Variants in CDHR4 observed in about 807,000 individuals in gnomAD.
CDHR4 encodes cadherin-related family member 4.
A neutral mutation model predicts 88.4 loss-of-function variants in CDHR4; 89 were observed. That is an observed-to-expected ratio of 1.01 (90% CI 0.85 to 1.20). The LOEUF is 1.20. Ranked by LOEUF, CDHR4 falls within the 50% of genes most tolerant of loss-of-function variation. CDHR4 has a pLI of 0.00. For missense variants in CDHR4, 914 were observed against 1,007.2 expected (o/e 0.91, Z 1.25); for synonymous variants, 368 against 399.2 (o/e 0.92, Z 0.93).
intron 9 of CDHR4, 30 bp from the exon 10 acceptor site, chr3:49,794,731 A>G: frequency 6.5e-7 from 1 of 1,537,064 alleles, no homozygotes; most frequent in Non-Finnish European, 8.8e-7. Context: ...AGTGAGGTCC[A>G]GCCAGGGCCT....
chr3:49,796,986 A>G lies in CDHR4; in HGVS notation c.542T>C (p.Phe181Ser), dbSNP rs2081279144. Residue 181 changes from phenylalanine to serine, a missense_variant, in exon 5 of 19, where the codon TTC (phenylalanine) becomes TCC (serine). Transcript: ENST00000412678. ...CAGCCAACCTTGCTCATTGATGGAG[A>G]AAGGTCCAGGGAAGTGTGGCAGGTC... ...AQDLPHFPGP[F>S]SINEQGWLQA... 6.4e-7 allele frequency: 1 copy of G among 1,551,532 alleles called. No individual in the cohort carries two copies. Among genetic ancestry groups the G allele is most frequent in the African/African-American group, 1.4e-5 (1 of 73,042 alleles).
intron 14 of CDHR4, 73 bp from the exon 15 acceptor site, chr3:49,792,683 C>T (rs917700867): frequency 2.5e-5 from 38 of 1,529,052 alleles, no homozygotes; most frequent in Non-Finnish European, 2.9e-5. Context: ...AACCCTTCCC[C>T]GGGCTAAGCC....
intron 9 of CDHR4, 88 bp downstream of exon 9, chr3:49,794,859 A>T: frequency 6.6e-7 from 1 of 1,506,816 alleles, no homozygotes; most frequent in Non-Finnish European, 9.0e-7. Context: ...CTCCACCCCC[A>T]CTCCCGTGGT....
At chr3:49,802,608 C>T (rs1243530279), upstream of CDHR4, among the ~76,000 whole-genome samples, 1 of 152,232 alleles carries the variant, frequency 6.6e-6, no homozygotes, top group Non-Finnish European at 1.5e-5. Flanking sequence ...GCTACACTAC[C>T]CTTGAGCCTA....
rs1324522484 is a variant in CDHR4, at chr3:49,794,954, A to T, written c.1178T>A (p.Val393Asp). The T allele has an allele frequency of 1.9e-6, 3 of 1,551,390 alleles. No individual in the cohort carries two copies. Among genetic ancestry groups the T allele is most frequent in the Non-Finnish European group, 2.6e-6 (3 of 1,146,926 alleles). ...GGAGCTGGGGCTGGGCACCTCAAGG[A>T]CTCTGTCATAAAGGCAGAGGCTGGC... ...NPASLCLYDR[V>D]LEVNATLDCD... is the part of the protein sequence containing the mutation. The change falls in exon 9 of 19, where the codon GTC becomes GAC. Residue 393 changes from valine (V) to aspartate (D), a missense_variant. Val to Asp is a radical substitution (Grantham distance 152). Transcript: ENST00000412678.
Position 49,791,802 on chromosome 3 carries a change from C to CTT in CDHR4, c.2196-2_2196-1insAA. 6.4e-7 allele frequency: 1 copy of CTT among 1,551,716 alleles called. No homozygotes were observed. Among genetic ancestry groups the CTT allele is most frequent in the Non-Finnish European group, 8.7e-7 (1 of 1,146,992 alleles). Reference sequence around the variant, plus strand: ...GATGGATCCCTCAGTTCCCTGGATGCTGGGGCAAAGTACGAGCAAGAGTAC... The same window carrying CTT: ...GATGGATCCCTCAGTTCCCTGGATGCTTTGGGGCAAAGTACGAGCAAGAGTAC... On this transcript the variant is annotated splice_acceptor_variant, in intron 16 of 18. Coordinates refer to ENST00000412678, the MANE Select transcript of CDHR4 (RefSeq NM_001007540.4). LOFTEE classifies it high-confidence loss of function.
intron 4 of CDHR4, among the ~76,000 whole-genome samples, 152 bp from the exon 5 acceptor site, chr3:49,797,184 T>C (rs189741458): frequency 2.6e-5 from 4 of 151,672 alleles, no homozygotes; most frequent in African/African-American, 9.7e-5. Context: ...TCTTTCCTTC[T>C]CTCTCCTTCC....
Position 49,795,035 on chromosome 3 carries a change from T to C in CDHR4, c.1097A>G (p.Asp366Gly). Residue 366 changes from aspartate (D) to glycine (G), a missense_variant, in exon 9 of 19, where the codon GAC (aspartate) becomes GGC (glycine). Physicochemically the swap from Asp to Gly is moderately conservative, Grantham distance 94 (BLOSUM62 -1). Transcript: ENST00000412678. This position sits in a 1 kb window ranked among gnomAD's most constrained non-coding sequence, Gnocchi z 5.4. Reference sequence around the variant, plus strand: ...GTAGTCCAGGGTGGCACCAACAGAGTCCGGATCTTCGCAAGTGAGAGTATT... The same window carrying C: ...GTAGTCCAGGGTGGCACCAACAGAGCCCGGATCTTCGCAAGTGAGAGTATT... ...VLNTLTCEDPDSVGATLDYKL... is the reference protein window; with the variant it reads ...VLNTLTCEDPGSVGATLDYKL... 1 of 1,551,326 alleles carries C rather than the reference T, an allele frequency of 6.4e-7. No individual in the cohort carries two copies. Among genetic ancestry groups the C allele is most frequent in the Non-Finnish European group, 8.7e-7 (1 of 1,146,912 alleles).
chr3:49,794,592 G>A lies in CDHR4; in HGVS notation c.1279+16C>T, dbSNP rs570154679. 4.2e-4 allele frequency: 652 copies of A among 1,544,010 alleles called. 8 individuals are homozygous for A. Among genetic ancestry groups the A allele is most frequent in the Middle Eastern group, 1.9e-4 (1 of 5,262 alleles). ...CAGCCTTGTCCTGGGTGTCCAGGCC[G>A]GGTGTGGTCACTCACTGGTCATCTG... On this transcript the variant is annotated intron_variant, in intron 10 of 18. Coordinates refer to ENST00000412678, the MANE Select transcript of CDHR4 (RefSeq NM_001007540.4).
In CDHR4 at chr3:49,793,820, G is replaced by A. The variant is rs972934373; in HGVS notation, c.1466C>T (p.Ala489Val). Residue 489 changes from alanine to valine, a missense_variant, in exon 11 of 19, where the codon GCT becomes GTT. Physicochemically the swap from Ala to Val is moderately conservative, Grantham distance 64. Coordinates refer to ENST00000412678, the MANE Select transcript of CDHR4 (RefSeq NM_001007540.4). ...YYTSGGPTTF[A>V]VDRLSGEVHL... is the part of the protein sequence containing the mutation. ...GGATGTACCGCTGAGACGGTCCACA[G>A]CAAAGGTGGTAGGACCACCAGAGGT... 39 of 1,551,774 alleles carry A rather than the reference G, an allele frequency of 2.5e-5. No individual in the cohort carries two copies. The highest frequency in any genetic ancestry group is 3.4e-5 in the Non-Finnish European group (39 of 1,147,000).
At chr3:49,791,840 T>C (rs1333060278) in intron 16 of CDHR4, 39 bp from the exon 17 acceptor site, 7 of 1,551,546 alleles carry the variant, frequency 4.5e-6, no homozygotes. Context: ...GGCAAGGCTC[T>C]GGGCCCTAAC....
chr3:49,794,584 T>A lies in CDHR4; in HGVS notation c.1279+24A>T, dbSNP rs752609821. On this transcript the variant is annotated intron_variant, in intron 10 of 18. Transcript: ENST00000412678. ...GGACAGAACAGCCTTGTCCTGGGTG[T>A]CCAGGCCGGGTGTGGTCACTCACTG... The A allele has an allele frequency of 2.0e-6, 3 of 1,534,618 alleles. No homozygotes were observed. The South Asian group carries it at 3.6e-5, about 19-fold the overall frequency.
upstream of CDHR4, among the ~76,000 whole-genome samples, chr3:49,801,578 T>C (rs2081362172): frequency 6.6e-6 from 1 of 152,220 alleles, no homozygotes. Flanking sequence ...AAGGGTTACG[T>C]GTCCATAAAT....
rs576428125 is a variant in CDHR4, at chr3:49,793,190, C to T, written c.1745G>A (p.Arg582His). Reference sequence around the variant, plus strand: ...CACGATGCTATAGGAGTAGATCAGGCGCTGTGGCTCCTGAGGGATCTGGCA... The same window carrying T: ...CACGATGCTATAGGAGTAGATCAGGTGCTGTGGCTCCTGAGGGATCTGGCA... Reference protein sequence around the residue: ...MSCQIPQEPQRLIYSYSIVGG... With the variant: ...MSCQIPQEPQHLIYSYSIVGG... Residue 582 changes from arginine (R) to histidine (H), a missense_variant, in exon 13 of 19, where the codon CGC (arginine) becomes CAC (histidine). Physicochemically the swap from Arg to His is conservative, Grantham distance 29. Coordinates refer to ENST00000412678, the MANE Select transcript of CDHR4 (RefSeq NM_001007540.4). 40 of 1,551,712 alleles carry T rather than the reference C, an allele frequency of 2.6e-5. No homozygotes were observed. Among genetic ancestry groups the T allele is most frequent in the Middle Eastern group, 3.3e-4 (2 of 5,992 alleles).
upstream of CDHR4, among the ~76,000 whole-genome samples, chr3:49,802,550 C>A (rs907712654): frequency 1.4e-4 from 22 of 152,238 alleles, no homozygotes; most frequent in Non-Finnish European, 7.3e-5. Flanking sequence ...GCCCACGGCC[C>A]TCATTCCCTG....
chr3:49,793,781 C>G, intron 11 of CDHR4, 22 bp downstream of exon 11: 1 of 1,551,648 alleles, frequency 6.4e-7, no homozygotes, highest in East Asian at 2.4e-5. Context: ...CTGTTTCCAT[C>G]CCAGCCCTGG....
chr3:49,791,650 G>C (rs182304224), intron 17 of CDHR4, 64 bp downstream of exon 17: 2 of 1,524,732 alleles, frequency 1.3e-6, no homozygotes, highest in Admixed American at 4.0e-5. Flanking sequence ...AAGGCTTGGA[G>C]GGGGCAGGGG....
chr3:49,802,340 A>AT (rs944419342), upstream of CDHR4, among the ~76,000 whole-genome samples: 13 of 151,470 alleles, frequency 8.6e-5, no homozygotes, highest in East Asian at 1.9e-4. Context: ...CGCCCGGCTA[A>AT]TTTTTTTTGT....
Position 49,793,322 on chromosome 3 carries a change from G to C in CDHR4, c.1624-11C>G. ...ATGGTCATTCACATCCTGCAGAAAGGAACCAGGTTAGGAGTGGGTGGAACC... is the reference window on the plus strand; with the variant it reads ...ATGGTCATTCACATCCTGCAGAAAGCAACCAGGTTAGGAGTGGGTGGAACC... On this transcript the variant is annotated splice_polypyrimidine_tract_variant and intron_variant, in intron 12 of 18. Coordinates refer to ENST00000412678, the MANE Select transcript of CDHR4 (RefSeq NM_001007540.4). 6.4e-7 allele frequency: 1 copy of C among 1,551,030 alleles called. No individual in the cohort carries two copies.
Sources: gnomAD v4.1 joint callset for allele counts (sites outside exome capture counted in the v4.1 genomes callset) on GRCh38, gnomAD v4.1.1 for gene constraint, Gnocchi (gnomAD v3.1) non-coding constraint, MANE v1.5 for transcripts, NCBI Gene and HGNC (gene_info 2026-07-23, HGNC 2026-07-21) for gene names.